Variants in TRMT44 observed in about 807,000 individuals in gnomAD.
The protein encoded by TRMT44 is tRNA methyltransferase 44 homolog.
TRMT44 carries 78 observed loss-of-function variants against 77.3 expected under a neutral mutation model. The observed-to-expected ratio is 1.01, with a 90% CI of 0.84 to 1.22. The LOEUF (loss-of-function observed/expected upper bound fraction) is 1.22. Ranked by LOEUF, TRMT44 falls within the 50% of genes most tolerant of loss-of-function variation. TRMT44 has a pLI of 0.00. For missense variants in TRMT44, 1,090 were observed against 964.4 expected, an observed-to-expected ratio of 1.13 and a Z score of -1.73; for synonymous variants, 391 against 383.3, an observed-to-expected ratio of 1.02 and a Z score of -0.23.
chr4:8,464,113 A>G (rs1174123027), intron 7 of TRMT44, 22 bp downstream of exon 7: 1 of 1,595,526 alleles, frequency 6.3e-7, no homozygotes, highest in African/African-American at 1.3e-5. Context: ...AGGAGTTATC[A>G]GGTGAATGGC....
At position 8,481,863 on chromosome 4, in the gene TRMT44, G is replaced by A. The variant is rs78001166; in HGVS notation, n.3891+2330G>A. ...CAGGGCTGCTTTCTGAATCCATCCTGAAAGCCCTGTCTGAGGCTCTTCTTG... is the reference window on the plus strand; with the variant it reads ...CAGGGCTGCTTTCTGAATCCATCCTAAAAGCCCTGTCTGAGGCTCTTCTTG... On this transcript the variant is annotated intron_variant and non_coding_transcript_variant, in intron 2 of 2. Coordinates refer to the TRMT44 transcript ENST00000511366. Among the ~76,000 whole-genome samples the A allele has an allele frequency of 9.1e-3, 1,383 of 152,252 alleles. 22 individuals carry two copies. Among genetic ancestry groups the A allele is most frequent in the African/African-American group, 0.032 (1,310 of 41,520 alleles).
At chr4:8,507,348 A>G in the TRMT44 span, 1 of 152,404 alleles carries the variant, frequency 6.6e-6, no homozygotes, top group Admixed American at 6.5e-5. Context: ...ATAGTTTAGA[A>G]GCCCAGAATC....
chr4:8,489,331 T>G (rs1192942440), intron 2 of TRMT44, among the ~76,000 whole-genome samples: 1 of 152,208 alleles, frequency 6.6e-6, no homozygotes, highest in Non-Finnish European at 1.5e-5. Flanking sequence ...TATGCAAAAA[T>G]TCTATCAGTG....
intron 2 of TRMT44, among the ~76,000 whole-genome samples, chr4:8,489,670 G>T (rs148865347): frequency 0.01 from 1,596 of 152,196 alleles, 28 homozygotes; most frequent in African/African-American, 0.037. Context: ...TAGAGATGGG[G>T]TTTCACCATG....
chr4:8,482,471 T>A (rs1727653866), intron 2 of TRMT44: 1 of 152,262 alleles, frequency 6.6e-6, no homozygotes, highest in Admixed American at 6.5e-5. Context: ...TTCACCTGGG[T>A]GCAGGCGGGC....
chr4:8,442,970 C>G (rs988816426), intron 1 of TRMT44, among the ~76,000 whole-genome samples: 2 of 152,168 alleles, frequency 1.3e-5, no homozygotes, highest in East Asian at 3.9e-4. Context: ...TGCAAGTGCC[C>G]CTTTTGCCAT....
the TRMT44 span, chr4:8,512,066 T>A: frequency 6.6e-6 from 1 of 152,178 alleles, no homozygotes; most frequent in African/African-American, 2.4e-5. Context: ...TCCCATTTTT[T>A]AAAATTATTA....
At chr4:8,443,400 C>T (rs1401374257) in intron 1 of TRMT44, among the ~76,000 whole-genome samples, 1 of 152,212 alleles carries the variant, frequency 6.6e-6, no homozygotes, top group Admixed American at 6.5e-5. Flanking sequence ...TATTCAGTTC[C>T]CGCCAGGAAG....
chr4:8,470,977 T>A (rs759712543), intron 9 of TRMT44, 107 bp from the exon 10 acceptor site: 2 of 738,544 alleles, frequency 2.7e-6, no homozygotes, highest in Non-Finnish European at 4.7e-6. Flanking sequence ...CTGGAGTGCA[T>A]AACGCGTGTG....
intron 2 of TRMT44, among the ~76,000 whole-genome samples, chr4:8,486,369 G>C (rs1727804136): frequency 6.6e-6 from 1 of 152,176 alleles, no homozygotes; most frequent in South Asian, 2.1e-4. Context: ...TTGCAACTCA[G>C]GAATATGTTG....
chr4:8,504,504 G>A, the TRMT44 span, among the ~76,000 whole-genome samples: 5 of 152,072 alleles, frequency 3.3e-5, no homozygotes, highest in African/African-American at 9.7e-5. The surrounding 1 kb of genome is among the most constrained non-coding windows in gnomAD (Gnocchi z 5.3). Flanking sequence ...GACCCCCAGC[G>A]TGTACGGAGC....
downstream of TRMT44, chr4:8,478,238 T>C (rs559593208): frequency 1.2e-4 from 18 of 152,790 alleles, no homozygotes; most frequent in African/African-American, 4.1e-4. Context: ...CCCCAACACT[T>C]GTTACGGCAG....
intron 2 of TRMT44, among the ~76,000 whole-genome samples, chr4:8,487,551 G>A (rs1235206886): frequency 6.6e-6 from 1 of 151,802 alleles, no homozygotes; most frequent in Non-Finnish European, 1.5e-5. Flanking sequence ...TCGGGCCATG[G>A]AAATAAGGGA....
intron 2 of TRMT44, among the ~76,000 whole-genome samples, chr4:8,492,756 A>G (rs2109237470): frequency 6.6e-6 from 1 of 152,286 alleles, no homozygotes; most frequent in East Asian, 1.9e-4. Context: ...CTCCTTTGGA[A>G]AGGCCAATCA....
chr4:8,468,665 C>T (rs772088821), intron 9 of TRMT44: 1 of 540,488 alleles, frequency 1.9e-6, no homozygotes. Flanking sequence ...AAACAGGTTA[C>T]TGAGTGCAAG....
chr4:8,447,703 C>G (rs1725148993), intron 2 of TRMT44, among the ~76,000 whole-genome samples: 1 of 152,186 alleles, frequency 6.6e-6, no homozygotes, highest in African/African-American at 2.4e-5. Context: ...TAGCATGAAG[C>G]CCTTTGAGAA....
chr4:8,488,669 CAG>C (rs1256441301), intron 2 of TRMT44, among the ~76,000 whole-genome samples: 1 of 152,342 alleles, frequency 6.6e-6, no homozygotes, highest in South Asian at 2.1e-4. Context: ...GTGCAAGTCA[CAG>C]GGGATGCGAT....
chr4:8,504,861 C>T, the TRMT44 span, among the ~76,000 whole-genome samples: 14 of 152,314 alleles, frequency 9.2e-5, no homozygotes, highest in East Asian at 1.9e-4. This position sits in a 1 kb window ranked among gnomAD's most constrained non-coding sequence, Gnocchi z 5.3. Context: ...TGGGGCTGAA[C>T]GCCACTTCTC....
At chr4:8,476,645 A>G (rs1027691039), downstream of TRMT44, 2 of 152,224 alleles carry the variant, frequency 1.3e-5, no homozygotes, top group African/African-American at 4.8e-5. Context: ...TGACAAAGGT[A>G]AGACCTACAC....
Sources: allele counts gnomAD v4.1 joint callset (sites outside exome capture counted in the v4.1 genomes callset), GRCh38; gene constraint gnomAD v4.1.1; non-coding constraint Gnocchi (gnomAD v3.1); transcripts MANE v1.5; gene names NCBI Gene and HGNC (gene_info 2026-07-23, HGNC 2026-07-21).